Variants in ATG7 observed in about 807,000 individuals in gnomAD.
ATG7 encodes the protein autophagy related 7.
ATG7 carries 70 observed loss-of-function variants against 82.4 expected under a neutral mutation model. That is an observed-to-expected ratio of 0.85 (90% CI 0.70 to 1.04). The LOEUF (loss-of-function observed/expected upper bound fraction) is 1.04. ATG7 is among the 50% of genes least tolerant of loss of function. The pLI, the probability that ATG7 is intolerant of heterozygous loss-of-function variation, is 0.00. For missense variants in ATG7, 792 were observed against 864.3 expected (o/e 0.92, Z 1.05); for synonymous variants, 287 against 313.0 (o/e 0.92, Z 0.88).
At chr3:11,464,820 C>T (rs2086667272) in intron 20 of ATG7, among the ~76,000 whole-genome samples, 1 of 152,094 alleles carries the variant, frequency 6.6e-6, no homozygotes, top group South Asian at 2.1e-4. Flanking sequence ...CTGTGTGACA[C>T]CTTGGGCAAG....
At chr3:11,394,018 C>A (rs1472277857) in intron 19 of ATG7, among the ~76,000 whole-genome samples, 2 of 152,116 alleles carry the variant, frequency 1.3e-5, no homozygotes, top group African/African-American at 4.8e-5. Flanking sequence ...TGCATTCTTT[C>A]ATTTGATATT....
chr3:11,561,896 T>TTC (rs1342618315), downstream of ATG7, among the ~76,000 whole-genome samples: 2 of 145,256 alleles, frequency 1.4e-5, no homozygotes, highest in Non-Finnish European at 3.0e-5. Flanking sequence ...CCAAACTTTT[T>TTC]TTTTTTTTTT....
chr3:11,339,815 C>T (rs930717917), intron 11 of ATG7, among the ~76,000 whole-genome samples: 5 of 152,194 alleles, frequency 3.3e-5, no homozygotes, highest in African/African-American at 7.2e-5. Flanking sequence ...AATCAAATCA[C>T]GTGGGTTCTG....
intron 1 of ATG7, among the ~76,000 whole-genome samples, chr3:11,276,398 AC>A (rs1941808320): frequency 6.6e-6 from 1 of 152,082 alleles, no homozygotes; most frequent in African/African-American, 2.4e-5. Flanking sequence ...TGTTTCATCA[AC>A]CCTTCTCATT....
chr3:11,312,324 C>A (rs922112817), intron 7 of ATG7, among the ~76,000 whole-genome samples: 2 of 152,156 alleles, frequency 1.3e-5, no homozygotes, highest in African/African-American at 4.8e-5. Context: ...CCACATATGT[C>A]TGGAATGCTA....
intron 20 of ATG7, among the ~76,000 whole-genome samples, chr3:11,481,267 T>C (rs1427012108): frequency 6.6e-6 from 1 of 152,238 alleles, no homozygotes; most frequent in Non-Finnish European, 1.5e-5. Context: ...ACAGTGTGAA[T>C]GCACTTAACG....
intron 20 of ATG7, among the ~76,000 whole-genome samples, chr3:11,542,381 G>C (rs915752699): frequency 6.6e-6 from 1 of 152,252 alleles, no homozygotes; most frequent in African/African-American, 2.4e-5. Context: ...GCCTGTCGCT[G>C]TGGGCTGGGA....
chr3:11,466,951 GA>G (rs2086885696), intron 20 of ATG7, among the ~76,000 whole-genome samples: 1 of 152,114 alleles, frequency 6.6e-6, no homozygotes, highest in South Asian at 2.1e-4. Context: ...CTAACATGGT[GA>G]AACCCCATCT....
chr3:11,478,011 A>T (rs1355388939), intron 20 of ATG7, among the ~76,000 whole-genome samples: 1 of 152,130 alleles, frequency 6.6e-6, no homozygotes, highest in Non-Finnish European at 1.5e-5. Flanking sequence ...TACTTGGCTC[A>T]TATACCCATC....
rs189845736 is a variant in ATG7 at position 11,353,618 on chromosome 3, G to A, written c.1285-4800G>A. ...GTGGATCCCTCATGAATGGCTTGGT[G>A]CCCTCTCCACATTAATGAGTGAGTT... is the stretch of plus-strand genomic sequence containing the variant. On this transcript the variant is annotated intron_variant, in intron 14 of 20. Coordinates refer to ENST00000693202, the MANE Select transcript of ATG7 (RefSeq NM_001349232.2). Among the ~76,000 whole-genome samples the A allele has an allele frequency of 2.0e-3, 301 of 152,210 alleles. 1 individual carries two copies. The highest frequency in any genetic ancestry group is 7.0e-3 in the African/African-American group (291 of 41,536).
rs574707386 is a variant in ATG7 at position 11,377,677 on chromosome 3, T to TA, written c.1876-2289dup. ...TGGACACATGACTTGTAGGCTGTGT[T>TA]AAAAAACTTTAATGGAAAAATATGC... On this transcript the variant is annotated intron_variant, in intron 18 of 20. Transcript: ENST00000693202. 1.2e-4 allele frequency among the ~76,000 whole-genome samples: 19 copies of TA among 152,296 alleles called. No homozygotes were observed. In the South Asian group the frequency reaches 3.5e-3, roughly 28 times the overall value.
chr3:11,519,543 T>TTG (rs2092380050), intron 20 of ATG7, among the ~76,000 whole-genome samples: 2 of 50,294 alleles, frequency 4.0e-5, no homozygotes, highest in South Asian at 1.1e-3. Context: ...AGAGGAGTTT[T>TTG]TTTTTTTTTT....
chr3:11,477,270 T>C (rs2088364989), intron 20 of ATG7: 1 of 1,244,054 alleles, frequency 8.0e-7, no homozygotes, highest in Non-Finnish European at 1.0e-6. Context: ...TTCCATAAGG[T>C]AGATGAACAA....
rs144504283 is a variant in ATG7 at position 11,342,273 on chromosome 3, G to A, written c.1119G>A (p.Thr373=). ...AGTLGCNVAR[T]LMGWGVRHIT... Reference sequence around the variant, plus strand: ...CCTTGGGTTGCAATGTAGCTAGGACGTTGATGGTAAGTCGGAGGTGGGGGG... The same window carrying A: ...CCTTGGGTTGCAATGTAGCTAGGACATTGATGGTAAGTCGGAGGTGGGGGG... The change falls in exon 13 of 21, where the codon ACG becomes ACA. Residue 373 remains threonine, a synonymous_variant. Transcript: ENST00000693202. 6.8e-5 allele frequency: 110 copies of A among 1,611,768 alleles called. 1 individual carries two copies. The highest frequency in any genetic ancestry group is 4.0e-4 in the East Asian group (18 of 44,730).
At chr3:11,385,915 G>A (rs1168787697) in intron 19 of ATG7, among the ~76,000 whole-genome samples, 1 of 152,182 alleles carries the variant, frequency 6.6e-6, no homozygotes, top group African/African-American at 2.4e-5. Flanking sequence ...TTTAATTTTG[G>A]CCATCCTTGG....
chr3:11,569,820 A>C, the ATG7 span, among the ~76,000 whole-genome samples: 1 of 152,168 alleles, frequency 6.6e-6, no homozygotes, highest in Admixed American at 6.5e-5. Context: ...GGTGGAGGCT[A>C]CAGTGAGCCA....
intron 13 of ATG7, among the ~76,000 whole-genome samples, chr3:11,342,763 C>A (rs1156669874): frequency 6.7e-6 from 1 of 150,250 alleles, no homozygotes; most frequent in Non-Finnish European, 1.5e-5. Context: ...AGATTACTTT[C>A]TATTTTTTTC....
intron 19 of ATG7, among the ~76,000 whole-genome samples, chr3:11,425,544 C>A (rs1463778806): frequency 3.3e-5 from 5 of 152,178 alleles, no homozygotes; most frequent in African/African-American, 1.2e-4. Context: ...TCTGGTTCAG[C>A]GTTCTACGTT....
chr3:11,520,410 T>G (rs1344831037), intron 20 of ATG7, among the ~76,000 whole-genome samples: 1 of 152,186 alleles, frequency 6.6e-6, no homozygotes, highest in East Asian at 1.9e-4. Flanking sequence ...GAGGGATATT[T>G]TGAGGATTAA....
Sources: gnomAD v4.1 joint callset for allele counts (sites outside exome capture counted in the v4.1 genomes callset) on GRCh38, gnomAD v4.1.1 for gene constraint, MANE v1.5 for transcripts, NCBI Gene and HGNC (gene_info 2026-07-23, HGNC 2026-07-21) for gene names.